TMEM178B: variants seen among roughly 807,000 people sequenced by gnomAD.
The protein encoded by TMEM178B is transmembrane protein 178B.
Under a neutral mutation model 31.0 loss-of-function variants are expected in TMEM178B, and 5 were observed. That is an observed-to-expected ratio of 0.16 (90% CI 0.08 to 0.34). TMEM178B has a LOEUF of 0.34. Ranked by LOEUF, TMEM178B falls within the 10% of genes least tolerant of loss-of-function variation. TMEM178B has a pLI of 1.00. For missense variants in TMEM178B, 275 were observed against 400.3 expected (o/e 0.69, Z 2.67); for synonymous variants, 164 against 164.0 (o/e 1.00, Z 0.00).
chr7:141,418,970 C>G (rs763580106), intron 2 of TMEM178B, among the ~76,000 whole-genome samples: 2 of 152,114 alleles, frequency 1.3e-5, no homozygotes, highest in African/African-American at 4.8e-5. Context: ...TACAGTAGCA[C>G]AATCCTGGCT....
intron 2 of TMEM178B, among the ~76,000 whole-genome samples, chr7:141,418,166 T>TA (rs1233266010): frequency 6.6e-6 from 1 of 152,168 alleles, no homozygotes; most frequent in Non-Finnish European, 1.5e-5. Context: ...ACATCCTTTA[T>TA]AAAAAAGAGA....
At position 141,327,454 on chromosome 7, in the gene TMEM178B, T is replaced by G. The variant is rs1799213032; in HGVS notation, c.497-110154T>G. Among the ~76,000 whole-genome samples the G allele has an allele frequency of 2.0e-5, 3 of 152,208 alleles. No homozygotes were observed. In the South Asian group the frequency reaches 6.2e-4, roughly 32 times the overall value. On this transcript the variant is annotated intron_variant, in intron 2 of 3. Transcript: ENST00000565468. Reference sequence around the variant, plus strand: ...CCCCATTAGAGTGGTACATTTGTTATAATAGATGAGCCTACATTGGAACAT... The same window carrying G: ...CCCCATTAGAGTGGTACATTTGTTAGAATAGATGAGCCTACATTGGAACAT...
intron 2 of TMEM178B, among the ~76,000 whole-genome samples, chr7:141,280,615 A>G (rs1798341160): frequency 6.6e-6 from 1 of 152,184 alleles, no homozygotes; most frequent in African/African-American, 2.4e-5. Context: ...CCCAGTCTCA[A>G]GTGTGTCTTT....
chr7:141,463,320 C>G (rs1316630364), intron 3 of TMEM178B, among the ~76,000 whole-genome samples: 1 of 152,186 alleles, frequency 6.6e-6, no homozygotes, highest in African/African-American at 2.4e-5. Flanking sequence ...CTGTTTCTGC[C>G]AACAGCATGG....
At chr7:141,084,867 T>G (rs1563083362) in intron 1 of TMEM178B, among the ~76,000 whole-genome samples, 1 of 151,956 alleles carries the variant, frequency 6.6e-6, no homozygotes, top group African/African-American at 2.4e-5. Context: ...ATGAAAAAAG[T>G]GTATTGTTTT....
the TMEM178B span, among the ~76,000 whole-genome samples, chr7:141,511,258 C>T: frequency 4.8e-5 from 2 of 42,076 alleles, no homozygotes. Flanking sequence ...GGGTAACATC[C>T]GTGGGCCCAA....
chr7:141,296,222 C>T (rs1252419137), intron 2 of TMEM178B, among the ~76,000 whole-genome samples: 2 of 152,080 alleles, frequency 1.3e-5, no homozygotes, highest in Non-Finnish European at 2.9e-5. Flanking sequence ...TGCGTACCAT[C>T]ACGCTCGTCT....
intron 2 of TMEM178B, chr7:141,352,251 A>C (rs1799743285): frequency 6.6e-6 from 1 of 152,364 alleles, no homozygotes; most frequent in Non-Finnish European, 1.5e-5. Context: ...TCAGTCAAGA[A>C]ATTGTTGACC....
intron 1 of TMEM178B, among the ~76,000 whole-genome samples, chr7:141,206,633 A>G (rs531647732): frequency 3.8e-4 from 58 of 152,260 alleles, no homozygotes; most frequent in African/African-American, 1.4e-3. Context: ...CGCCCTTGCC[A>G]GGTCCTGGTG....
chr7:141,225,384 TTCTCAG>T (rs1042237715), intron 2 of TMEM178B, among the ~76,000 whole-genome samples: 3 of 152,146 alleles, frequency 2.0e-5, no homozygotes, highest in Non-Finnish European at 4.4e-5. Flanking sequence ...TATTTTCCAC[TTCTCAG>T]TTTTTCTTTT....
chr7:141,186,451 C>G (rs1466443830), intron 1 of TMEM178B, among the ~76,000 whole-genome samples: 1 of 152,238 alleles, frequency 6.6e-6, no homozygotes, highest in African/African-American at 2.4e-5. Flanking sequence ...TCCTCCTTCC[C>G]CATCCGCTGT....
chr7:141,426,650 A>AGGC (rs959633001), intron 2 of TMEM178B, among the ~76,000 whole-genome samples: 1 of 152,154 alleles, frequency 6.6e-6, no homozygotes, highest in Non-Finnish European at 1.5e-5. Flanking sequence ...ATGCAGGGAG[A>AGGC]GGCAGAGGAC....
chr7:141,383,593 C>G (rs983541141), intron 2 of TMEM178B, among the ~76,000 whole-genome samples: 1 of 152,062 alleles, frequency 6.6e-6, no homozygotes, highest in Admixed American at 6.5e-5. Flanking sequence ...GTATATGTGC[C>G]ACATTTTCTT....
Position 141,245,056 on chromosome 7 carries a change from G to A in TMEM178B, c.496+32352G>A, listed in dbSNP as rs542659120. Among the ~76,000 whole-genome samples, 10 of 151,142 alleles carry A rather than the reference G, an allele frequency of 6.6e-5. No homozygotes were observed. The South Asian group carries it at 2.1e-3, about 32-fold the overall frequency. ...GGAGGGTGAGGCAGGAGAATTGCTT[G>A]AACCTGGGAGGCAAGAGAATTGCTT... On this transcript the variant is annotated intron_variant, in intron 2 of 3. Transcript: ENST00000565468.
At chr7:141,304,585 C>T (rs1399758143) in intron 2 of TMEM178B, among the ~76,000 whole-genome samples, 1 of 152,158 alleles carries the variant, frequency 6.6e-6, no homozygotes, top group African/African-American at 2.4e-5. Context: ...CTATGGGGTT[C>T]TCAGTTCTAC....
chr7:141,397,153 G>C (rs572833949), intron 2 of TMEM178B, among the ~76,000 whole-genome samples: 1 of 152,340 alleles, frequency 6.6e-6, no homozygotes, highest in East Asian at 1.9e-4. Flanking sequence ...CTGAAGTAAT[G>C]AGATCGTGGA....
At chr7:141,214,940 C>G (rs1022024612) in intron 2 of TMEM178B, among the ~76,000 whole-genome samples, 2 of 152,020 alleles carry the variant, frequency 1.3e-5, no homozygotes, top group Non-Finnish European at 2.9e-5. Context: ...TTCACAAAGC[C>G]GCCTAATGGG....
chr7:141,259,129 A>G (rs986062650), intron 2 of TMEM178B, among the ~76,000 whole-genome samples: 1 of 151,966 alleles, frequency 6.6e-6, no homozygotes, highest in African/African-American at 2.4e-5. Context: ...ATTCTCTGAG[A>G]TGTTCTTCAT....
At chr7:141,499,177 A>G in the TMEM178B span, among the ~76,000 whole-genome samples, 1 of 152,180 alleles carries the variant, frequency 6.6e-6, no homozygotes, top group African/African-American at 2.4e-5. Context: ...TTAAAATGTC[A>G]TCTGTAAGAT....
Sources: gnomAD v4.1 joint callset for allele counts (sites outside exome capture counted in the v4.1 genomes callset) on GRCh38, gnomAD v4.1.1 for gene constraint, MANE v1.5 for transcripts, NCBI Gene and HGNC (gene_info 2026-07-23, HGNC 2026-07-21) for gene names.